COL19A1: variants seen among roughly 807,000 people sequenced by gnomAD.
COL19A1 encodes the protein collagen alpha-1(XIX) chain.
In COL19A1, 159 loss-of-function variants were observed where a neutral mutation model predicts 190.2. The ratio of observed to expected loss-of-function variants is 0.84; its 90% CI spans 0.73 to 0.95. The LOEUF is 0.95. Ranked by LOEUF, COL19A1 falls within the 40% of genes least tolerant of loss-of-function variation. The pLI, the probability that COL19A1 is intolerant of heterozygous loss-of-function variation, is 0.00. For synonymous variants in COL19A1, 509 were observed against 458.9 expected, an observed-to-expected ratio of 1.11 and a Z score of -1.39; for missense variants, 1,418 against 1,431.9, an observed-to-expected ratio of 0.99 and a Z score of 0.16.
intron 11 of COL19A1, among the ~76,000 whole-genome samples, chr6:69,984,770 G>A (rs1484939782): frequency 6.6e-6 from 1 of 152,080 alleles, no homozygotes; most frequent in Non-Finnish European, 1.5e-5. Flanking sequence ...CAATTTAGCT[G>A]TGTTTATAGT....
In COL19A1 at chr6:70,044,021, T is replaced by A. The variant is rs571881228; in HGVS notation, c.1170+8082T>A. Among the ~76,000 whole-genome samples the A allele has an allele frequency of 3.3e-5, 5 of 152,344 alleles. No homozygotes were observed. In the South Asian group the frequency reaches 1.0e-3, roughly 32 times the overall value. On this transcript the variant is annotated intron_variant, in intron 14 of 50. Coordinates refer to ENST00000620364, the MANE Select transcript of COL19A1 (RefSeq NM_001858.6). The stretch of plus-strand genomic sequence containing the variant: ...CCTTCATTGAAGATCTTGGATAACT[T>A]GCTGCAGCTTCTAGATCAGCACTTA...
chr6:69,925,244 T>C (rs1772283873), intron 4 of COL19A1, among the ~76,000 whole-genome samples: 1 of 152,208 alleles, frequency 6.6e-6, no homozygotes, highest in African/African-American at 2.4e-5. Flanking sequence ...CTTTAATCCA[T>C]CTTGAATTAA....
At chr6:69,920,675 T>C (rs1257941203) in intron 4 of COL19A1, among the ~76,000 whole-genome samples, 2 of 151,920 alleles carry the variant, frequency 1.3e-5, no homozygotes, top group Non-Finnish European at 2.9e-5. Flanking sequence ...ACTTGTGCCC[T>C]CATAGGCCCA....
chr6:70,152,666 A>G (rs1787140689), intron 31 of COL19A1, among the ~76,000 whole-genome samples: 1 of 152,156 alleles, frequency 6.6e-6, no homozygotes, highest in African/African-American at 2.4e-5. Context: ...TCTATAGATG[A>G]GAGACCAGAA....
chr6:70,203,132 G>A (rs893773027), intron 49 of COL19A1, among the ~76,000 whole-genome samples: 5 of 152,116 alleles, frequency 3.3e-5, no homozygotes, highest in African/African-American at 9.7e-5. Context: ...TTATTCTTTC[G>A]AGTGAGTTTT....
chr6:69,916,179 G>T (rs193275440), intron 4 of COL19A1, among the ~76,000 whole-genome samples: 1 of 152,120 alleles, frequency 6.6e-6, no homozygotes, highest in African/African-American at 2.4e-5. Flanking sequence ...CTTGTGATCT[G>T]CCCGCCTCGG....
intron 34 of COL19A1, among the ~76,000 whole-genome samples, chr6:70,158,711 A>G (rs925744109): frequency 1.3e-5 from 2 of 152,090 alleles, no homozygotes; most frequent in African/African-American, 2.4e-5. Context: ...TCAGCCAGAT[A>G]TTATAGCAAC....
intron 15 of COL19A1, among the ~76,000 whole-genome samples, chr6:70,092,554 A>G (rs894903473): frequency 6.6e-6 from 1 of 152,196 alleles, no homozygotes; most frequent in Non-Finnish European, 1.5e-5. Flanking sequence ...AATGCAATTT[A>G]ATCCATTAAA....
At chr6:70,082,930 C>T (rs1782354395) in intron 15 of COL19A1, among the ~76,000 whole-genome samples, 1 of 152,120 alleles carries the variant, frequency 6.6e-6, no homozygotes, top group African/African-American at 2.4e-5. Context: ...GGTTCATACT[C>T]CTATGAGAAT....
intron 49 of COL19A1, among the ~76,000 whole-genome samples, chr6:70,203,392 A>G (rs921664369): frequency 3.3e-5 from 5 of 152,300 alleles, no homozygotes; most frequent in African/African-American, 4.8e-5. Flanking sequence ...TGTTTGTAGG[A>G]AGCACTTGTG....
intron 11 of COL19A1, among the ~76,000 whole-genome samples, chr6:69,972,618 G>A (rs1266929131): frequency 1.3e-5 from 2 of 152,050 alleles, no homozygotes; most frequent in Non-Finnish European, 2.9e-5. Flanking sequence ...GTGAGATATA[G>A]CTAGGGATAA....
intron 16 of COL19A1, among the ~76,000 whole-genome samples, chr6:70,113,595 G>T (rs1784397968): frequency 6.6e-6 from 1 of 152,048 alleles, no homozygotes; most frequent in African/African-American, 2.4e-5. Context: ...AAGCGCGAAG[G>T]CTCCTTGCCC....
At chr6:70,152,489 A>G (rs978805031) in intron 31 of COL19A1, among the ~76,000 whole-genome samples, 1 of 152,178 alleles carries the variant, frequency 6.6e-6, no homozygotes, top group Admixed American at 6.6e-5. Flanking sequence ...TAAGACCTCC[A>G]AAACCAGCAG....
At chr6:69,978,838 T>A (rs1344553993) in intron 11 of COL19A1, among the ~76,000 whole-genome samples, 1 of 151,376 alleles carries the variant, frequency 6.6e-6, no homozygotes, top group Non-Finnish European at 1.5e-5. Context: ...AAGAATTAAA[T>A]TATTCTATTA....
chr6:70,021,012 T>C lies in COL19A1; in HGVS notation c.1027-2615T>C, dbSNP rs73746851. Among the ~76,000 whole-genome samples, 1,270 of 152,268 alleles carry C rather than the reference T, an allele frequency of 8.3e-3. 13 individuals are homozygous for C. Among genetic ancestry groups the C allele is most frequent in the African/African-American group, 0.029 (1,185 of 41,552 alleles). On this transcript the variant is annotated intron_variant, in intron 11 of 50. Transcript: ENST00000620364. ...TTAAGAGACATTGACTCCTACTTTA[T>C]GGAAATCCAGATACATTGAATTGTT... is the stretch of plus-strand genomic sequence containing the variant.
chr6:70,199,554 TG>T (rs1767416659), intron 48 of COL19A1, 53 bp from the exon 49 acceptor site: 1 of 1,147,052 alleles, frequency 8.7e-7, no homozygotes, highest in Non-Finnish European at 1.2e-6. Context: ...TGAAATTTTT[TG>T]ACATAAAATA....
chr6:69,936,929 G>C lies in COL19A1; in HGVS notation c.873+19G>C. On this transcript the variant is annotated intron_variant, in intron 8 of 50. Transcript: ENST00000620364. Reference sequence around the variant, plus strand: ...AAACAAGGTATGCTAGTTTTAATTGGTGCACACTGAAAGCCACTCCAGACT... The same window carrying C: ...AAACAAGGTATGCTAGTTTTAATTGCTGCACACTGAAAGCCACTCCAGACT... 6.2e-7 allele frequency: 1 copy of C among 1,611,436 alleles called. No individual in the cohort carries two copies. Among genetic ancestry groups the C allele is most frequent in the South Asian group, 1.1e-5 (1 of 90,860 alleles).
intron 35 of COL19A1, 151 bp downstream of exon 35, chr6:70,162,104 G>T: frequency 1.6e-6 from 1 of 621,036 alleles, no homozygotes; most frequent in African/African-American, 1.9e-5. Flanking sequence ...CAAGCTCTCA[G>T]ATTTTCATTT....
chr6:70,091,755 C>T (rs538202479), intron 15 of COL19A1, among the ~76,000 whole-genome samples: 10 of 143,704 alleles, frequency 7.0e-5, no homozygotes, highest in East Asian at 4.2e-4. Flanking sequence ...AAGAATCTGG[C>T]GACTGACCAA....
Sources: allele counts gnomAD v4.1 joint callset (sites outside exome capture counted in the v4.1 genomes callset), GRCh38; gene constraint gnomAD v4.1.1; transcripts MANE v1.5; gene names NCBI Gene and HGNC (gene_info 2026-07-23, HGNC 2026-07-21).